Variants in XKR6 observed in about 807,000 individuals in gnomAD.
The protein encoded by XKR6 is XK related 6.
A neutral mutation model predicts 56.7 loss-of-function variants in XKR6; 22 were observed. That is an observed-to-expected ratio of 0.39 (90% CI 0.28 to 0.55). The LOEUF (loss-of-function observed/expected upper bound fraction) is 0.55. Among genes scored for constraint, XKR6 ranks in the 20% least tolerant of loss-of-function variants. The pLI is 0.66. For synonymous variants in XKR6, 524 were observed against 387.8 expected, an observed-to-expected ratio of 1.35 and a Z score of -4.13; for missense variants, 852 against 889.0, an observed-to-expected ratio of 0.96 and a Z score of 0.53.
Position 11,159,788 on chromosome 8 carries a change from G to C in XKR6, c.764+40788C>G, listed in dbSNP as rs117132630. Among the ~76,000 whole-genome samples, 964 of 152,232 alleles carry C rather than the reference G, an allele frequency of 6.3e-3. 6 individuals are homozygous for C. The highest frequency in any genetic ancestry group is 0.035 in the East Asian group (180 of 5,184). On this transcript the variant is annotated intron_variant, in intron 1 of 2. Coordinates refer to ENST00000416569, the MANE Select transcript of XKR6 (RefSeq NM_173683.4). ...GTATACAACAATTCTAGCCAAGGAG[G>C]GGCAACTTCTAGAAATTTTGCTTAC...
rs868672800 is a variant in XKR6, at chr8:11,007,495, C to T, written c.765-82665G>A. 3.9e-4 allele frequency among the ~76,000 whole-genome samples: 60 copies of T among 152,188 alleles called. No individual in the cohort carries two copies. The Middle Eastern group carries it at 0.014, about 35-fold the overall frequency. On this transcript the variant is annotated intron_variant, in intron 1 of 2. Transcript: ENST00000416569. ...CCTCCACTGCGGCCTCTCGCATGGACGAAGAAACACAGCCAGTAATGTCGT... is the reference window on the plus strand; with the variant it reads ...CCTCCACTGCGGCCTCTCGCATGGATGAAGAAACACAGCCAGTAATGTCGT...
intron 1 of XKR6, among the ~76,000 whole-genome samples, chr8:11,055,005 G>A (rs1216288562): frequency 1.3e-5 from 2 of 152,216 alleles, no homozygotes; most frequent in African/African-American, 4.8e-5. Flanking sequence ...AGAGGGGGCT[G>A]TAGACAAGCA....
intron 1 of XKR6, among the ~76,000 whole-genome samples, chr8:11,132,507 G>A (rs1800155339): frequency 1.3e-5 from 2 of 151,562 alleles, no homozygotes; most frequent in African/African-American, 4.9e-5. Flanking sequence ...GATTACAGGC[G>A]CCCACCACCA....
chr8:11,075,271 TG>T (rs1800244114), intron 1 of XKR6, among the ~76,000 whole-genome samples: 1 of 152,226 alleles, frequency 6.6e-6, no homozygotes. Flanking sequence ...AGTAAGCAGA[TG>T]GGGCACCGAC....
intron 1 of XKR6, among the ~76,000 whole-genome samples, chr8:11,161,939 C>G (rs978567164): frequency 2.0e-5 from 3 of 152,000 alleles, no homozygotes; most frequent in African/African-American, 4.8e-5. Context: ...ATACAAGGAA[C>G]TGAGCAAAAT....
intron 1 of XKR6, among the ~76,000 whole-genome samples, chr8:11,198,539 C>T (rs957242040): frequency 6.6e-6 from 1 of 151,442 alleles, no homozygotes; most frequent in Non-Finnish European, 1.5e-5. Flanking sequence ...TACTACCCTA[C>T]ATACAACTAC....
chr8:11,134,048 A>T (rs1800256083), intron 1 of XKR6, among the ~76,000 whole-genome samples: 1 of 152,148 alleles, frequency 6.6e-6, no homozygotes, highest in Non-Finnish European at 1.5e-5. Context: ...CCTGAGCCCC[A>T]GAACGTGCTG....
At chr8:11,165,958 GGTT>G (rs1471685536) in intron 1 of XKR6, among the ~76,000 whole-genome samples, 2 of 148,892 alleles carry the variant, frequency 1.3e-5, no homozygotes, top group African/African-American at 2.5e-5. Context: ...TAGTTTTTTG[GGTT>G]TTTTTTTTTT....
chr8:10,942,902 C>G (rs920275474), intron 1 of XKR6, among the ~76,000 whole-genome samples: 25 of 152,376 alleles, frequency 1.6e-4, no homozygotes, highest in African/African-American at 4.8e-4. Flanking sequence ...GAGGGTGGAA[C>G]AGTTGCCTCC....
At chr8:11,191,986 G>C (rs1803604599) in intron 1 of XKR6, among the ~76,000 whole-genome samples, 3 of 152,086 alleles carry the variant, frequency 2.0e-5, no homozygotes. Context: ...GCAACATCAG[G>C]ATAGGATATG....
intron 1 of XKR6, among the ~76,000 whole-genome samples, chr8:11,135,383 A>G (rs1800335760): frequency 6.6e-6 from 1 of 152,176 alleles, no homozygotes; most frequent in Admixed American, 6.5e-5. Context: ...CCACCCTGTA[A>G]TTTAGAATCT....
intron 1 of XKR6, among the ~76,000 whole-genome samples, chr8:11,129,567 T>C (rs1179508340): frequency 6.6e-6 from 1 of 152,176 alleles, no homozygotes; most frequent in Non-Finnish European, 1.5e-5. Context: ...AGAATATTCA[T>C]GGTACACGAA....
At chr8:11,182,163 T>C (rs1053735936) in intron 1 of XKR6, among the ~76,000 whole-genome samples, 1 of 152,244 alleles carries the variant, frequency 6.6e-6, no homozygotes, top group African/African-American at 2.4e-5. Context: ...AACTGGTCCA[T>C]GGCAGGGCTA....
chr8:11,104,208 G>C (rs1171753503), intron 1 of XKR6, among the ~76,000 whole-genome samples: 1 of 152,186 alleles, frequency 6.6e-6, no homozygotes, highest in Non-Finnish European at 1.5e-5. Context: ...CACGAGTTTT[G>C]CAAGATCCTG....
At chr8:11,048,837 C>G (rs939691376) in intron 1 of XKR6, among the ~76,000 whole-genome samples, 23 of 152,356 alleles carry the variant, frequency 1.5e-4, no homozygotes, top group Admixed American at 2.6e-4. Context: ...GCTCTGTCCT[C>G]TCGCTGGCCT....
chr8:11,148,068 G>T (rs941003172), intron 1 of XKR6, among the ~76,000 whole-genome samples: 3 of 152,018 alleles, frequency 2.0e-5, no homozygotes, highest in African/African-American at 7.3e-5. Context: ...AAATTAGCTG[G>T]GCGTGGTGGC....
At chr8:11,062,404 C>T (rs1016339439) in intron 1 of XKR6, among the ~76,000 whole-genome samples, 5 of 152,130 alleles carry the variant, frequency 3.3e-5, no homozygotes, top group African/African-American at 1.2e-4. Context: ...TTGTATGTTC[C>T]TTCATTTAGC....
chr8:11,175,356 C>T, intron 1 of XKR6: 1 of 165,516 alleles, frequency 6.0e-6, no homozygotes, highest in East Asian at 1.6e-4. Context: ...GATTCTCTGG[C>T]CATTGAGCAT....
chr8:10,921,398 G>T (rs756861058), intron 2 of XKR6, among the ~76,000 whole-genome samples: 1 of 152,216 alleles, frequency 6.6e-6, no homozygotes. Flanking sequence ...CCCATGGCGG[G>T]TGGTACCATG....
Sources: gnomAD v4.1 joint callset for allele counts (sites outside exome capture counted in the v4.1 genomes callset) on GRCh38, gnomAD v4.1.1 for gene constraint, MANE v1.5 for transcripts, NCBI Gene and HGNC (gene_info 2026-07-23, HGNC 2026-07-21) for gene names.